The following ASAP1 variants were observed in gnomAD, a reference collection of about 807,000 sequenced individuals.
ASAP1 encodes arf-GAP with SH3 domain, ANK repeat and PH domain-containing protein 1.
In ASAP1, 43 loss-of-function variants were observed where a neutral mutation model predicts 145.2. The observed-to-expected ratio is 0.30, with a 90% CI of 0.23 to 0.38. The LOEUF is 0.38. ASAP1 is among the 10% of genes least tolerant of loss of function. The pLI, the probability that ASAP1 is intolerant of heterozygous loss-of-function variation, is 1.00. For missense variants in ASAP1, 1,018 were observed against 1,355.3 expected (o/e 0.75, Z 3.91); for synonymous variants, 546 against 515.5 (o/e 1.06, Z -0.80).
intron 25 of ASAP1, chr8:130,083,220 C>A (rs1451375891): frequency 6.6e-6 from 1 of 152,206 alleles, no homozygotes; most frequent in South Asian, 2.1e-4. Context: ...TAACCTTACT[C>A]TTTGGCTTCT....
intron 1 of ASAP1, among the ~76,000 whole-genome samples, chr8:130,426,132 C>T (rs1260348200): frequency 6.6e-6 from 1 of 152,026 alleles, no homozygotes; most frequent in African/African-American, 2.4e-5. Flanking sequence ...TAGCACCATC[C>T]CCCTAGTGCT....
At chr8:130,058,122 G>GA in intron 28 of ASAP1, 46 bp from the exon 29 acceptor site, 2 of 1,592,836 alleles carry the variant, frequency 1.3e-6, no homozygotes, top group Non-Finnish European at 1.7e-6. Context: ...GGACTGAATG[G>GA]AAAAAAAGAG....
At chr8:130,403,889 A>T (rs1415641805) in intron 1 of ASAP1, among the ~76,000 whole-genome samples, 1 of 152,092 alleles carries the variant, frequency 6.6e-6, no homozygotes, top group Non-Finnish European at 1.5e-5. Flanking sequence ...AACATGCTGC[A>T]GTTGTTCCAC....
intron 18 of ASAP1, 26 bp from the exon 19 acceptor site, chr8:130,118,701 T>C: frequency 7.1e-7 from 1 of 1,403,674 alleles, no homozygotes; most frequent in African/African-American, 1.5e-5. Flanking sequence ...ATAAAGAATT[T>C]TTATTTTCCA....
chr8:130,123,829 C>T (rs1406076030), intron 18 of ASAP1, among the ~76,000 whole-genome samples, 184 bp downstream of exon 18: 4 of 151,712 alleles, frequency 2.6e-5, no homozygotes, highest in South Asian at 2.1e-4. Context: ...CGGGTTTCAC[C>T]GTGTTAGCCA....
At chr8:130,275,566 A>G (rs1586734519) in intron 3 of ASAP1, among the ~76,000 whole-genome samples, 3 of 152,326 alleles carry the variant, frequency 2.0e-5, no homozygotes, top group Admixed American at 2.0e-4. Context: ...AAAGGGTTTT[A>G]AAGGGGCCTT....
chr8:130,248,227 G>A (rs369183344), intron 3 of ASAP1, among the ~76,000 whole-genome samples: 11 of 152,200 alleles, frequency 7.2e-5, no homozygotes, highest in African/African-American at 2.4e-4. Flanking sequence ...GTGCCGGGGG[G>A]GTTGGAGGGG....
At chr8:130,259,019 A>G (rs546465933) in intron 3 of ASAP1, among the ~76,000 whole-genome samples, 1 of 152,180 alleles carries the variant, frequency 6.6e-6, no homozygotes, top group Admixed American at 6.5e-5. Flanking sequence ...TGCTTATGGT[A>G]TTTTAATTTT....
chr8:130,208,662 T>C (rs1203345721), intron 5 of ASAP1: 4 of 152,174 alleles, frequency 2.6e-5, no homozygotes, highest in Admixed American at 6.6e-5. Context: ...CCTGCCCCAG[T>C]AGTTGGATTG....
chr8:130,098,883 C>A (rs964723124), intron 24 of ASAP1, among the ~76,000 whole-genome samples: 1 of 152,096 alleles, frequency 6.6e-6, no homozygotes, highest in Non-Finnish European at 1.5e-5. Flanking sequence ...AGGAACTTAT[C>A]CTTCCCATCT....
At chr8:130,350,212 C>T (rs1825919449) in intron 3 of ASAP1, among the ~76,000 whole-genome samples, 3 of 152,328 alleles carry the variant, frequency 2.0e-5, no homozygotes, top group Middle Eastern at 6.8e-3. Flanking sequence ...ACTCTTTCCA[C>T]CTAGAAGCAA....
intron 3 of ASAP1, among the ~76,000 whole-genome samples, chr8:130,338,264 T>C (rs917597524): frequency 1.1e-4 from 16 of 152,216 alleles, no homozygotes; most frequent in African/African-American, 3.9e-4. Flanking sequence ...TGCCCAAAAC[T>C]GCACAGTTAA....
intron 3 of ASAP1, among the ~76,000 whole-genome samples, chr8:130,285,430 G>T (rs980853590): frequency 6.6e-6 from 1 of 152,054 alleles, no homozygotes; most frequent in East Asian, 1.9e-4. Context: ...AAAACAAAAT[G>T]ATCTTATCAC....
At chr8:130,379,343 C>T (rs898343413) in intron 2 of ASAP1, among the ~76,000 whole-genome samples, 4 of 152,112 alleles carry the variant, frequency 2.6e-5, no homozygotes, top group Admixed American at 2.0e-4. Flanking sequence ...TGAGTTCTGA[C>T]GAGATCAAGC....
At chr8:130,353,218 T>C (rs910251447) in intron 3 of ASAP1, among the ~76,000 whole-genome samples, 8 of 152,292 alleles carry the variant, frequency 5.3e-5, no homozygotes, top group Middle Eastern at 3.4e-3. Context: ...ATAACCCCAA[T>C]ACCTCAGTAG....
At chr8:130,142,720 T>C (rs1227886370) in intron 13 of ASAP1, among the ~76,000 whole-genome samples, 2 of 152,140 alleles carry the variant, frequency 1.3e-5, no homozygotes, top group African/African-American at 2.4e-5. Flanking sequence ...TCCAAAGGCC[T>C]GGGGCATAGG....
intron 12 of ASAP1, among the ~76,000 whole-genome samples, chr8:130,154,085 G>A (rs1252599499): frequency 6.6e-6 from 1 of 152,104 alleles, no homozygotes; most frequent in African/African-American, 2.4e-5. Flanking sequence ...CATGCAAGGA[G>A]CGAGGGGTGA....
intron 1 of ASAP1, among the ~76,000 whole-genome samples, chr8:130,433,766 T>TA (rs1830215362): frequency 6.6e-6 from 1 of 152,260 alleles, no homozygotes; most frequent in Admixed American, 6.5e-5. Flanking sequence ...TAGTACCAGT[T>TA]ACGTGCCAGG....
intron 3 of ASAP1, among the ~76,000 whole-genome samples, chr8:130,297,095 G>A (rs955444144): frequency 6.6e-5 from 10 of 152,218 alleles, no homozygotes; most frequent in Admixed American, 1.3e-4. Flanking sequence ...TTGGGAAACT[G>A]TAGTAAAAGG....
Sources: gnomAD v4.1 joint callset for allele counts (sites outside exome capture counted in the v4.1 genomes callset) on GRCh38, gnomAD v4.1.1 for gene constraint, MANE v1.5 for transcripts, NCBI Gene and HGNC (gene_info 2026-07-23, HGNC 2026-07-21) for gene names.